The following ERI3 variants were observed in gnomAD, a reference collection of about 807,000 sequenced individuals.
The protein encoded by ERI3 is ERI1 exoribonuclease family member 3.
Under a neutral mutation model 44.4 loss-of-function variants are expected in ERI3, and 18 were observed. That is an observed-to-expected ratio of 0.41 (90% CI 0.28 to 0.60). The LOEUF (loss-of-function observed/expected upper bound fraction) is 0.60. ERI3 is among the 20% of genes least tolerant of loss of function. The pLI is 0.36. For synonymous variants in ERI3, 183 were observed against 164.8 expected, an observed-to-expected ratio of 1.11 and a Z score of -0.84; for missense variants, 294 against 435.5, an observed-to-expected ratio of 0.68 and a Z score of 2.89.
At chr1:44,273,730 C>T (rs1645129777) in intron 7 of ERI3, among the ~76,000 whole-genome samples, 1 of 152,138 alleles carries the variant, frequency 6.6e-6, no homozygotes, top group South Asian at 2.1e-4. Flanking sequence ...ACTATTTCTA[C>T]CAGAGATGGG....
rs1738049 is a variant in ERI3 at position 44,242,096 on chromosome 1, G to A, written c.931+5843C>T. ...AGTGCAGACCCTGTCAATGATGGGA[G>A]AGTTAACCCTTCTCATGACCATCCA... On this transcript the variant is annotated intron_variant, in intron 8 of 8. Coordinates refer to ENST00000372257, the MANE Select transcript of ERI3 (RefSeq NM_024066.3). The A allele has an allele frequency of 1.2e-3, 1,200 of 985,582 alleles. 11 individuals are homozygous for A. The African/African-American group carries it at 0.019, about 16-fold the overall frequency. The allele number at this position is 985,582 out of a possible 1,614,324, so 61.1% of individuals were successfully genotyped here. A position where few individuals can be genotyped will look rare whatever the true frequency, so the allele number is the denominator to read the frequency against.
intron 8 of ERI3, among the ~76,000 whole-genome samples, chr1:44,238,001 G>C (rs868730423): frequency 2.6e-5 from 4 of 152,076 alleles, no homozygotes; most frequent in Admixed American, 6.5e-5. Flanking sequence ...TGGGTGCCCT[G>C]CCTCACCCCT....
At chr1:44,240,551 G>A (rs1187676762) in intron 8 of ERI3, among the ~76,000 whole-genome samples, 4 of 152,184 alleles carry the variant, frequency 2.6e-5, no homozygotes, top group East Asian at 1.9e-4. Flanking sequence ...CTTCCTTGCT[G>A]AGCAGCAATC....
At position 44,241,929 on chromosome 1, in the gene ERI3, A is replaced by T; in HGVS notation, c.931+6010T>A. The T allele has an allele frequency of 1.0e-5, 10 of 985,454 alleles. No homozygotes were observed. The highest frequency in any genetic ancestry group is 1.1e-5 in the Non-Finnish European group (9 of 829,672). The allele number at this position is 985,454 out of a possible 1,614,324, so 61.0% of individuals were successfully genotyped here. On this transcript the variant is annotated intron_variant, in intron 8 of 8. Transcript: ENST00000372257. This position sits in a 1 kb window ranked among gnomAD's most constrained non-coding sequence, Gnocchi z 5.6. ...CATCAACTCACCCATCCATCTAGCCATTCTTCCATCTATGGTTGCTACTGA... is the reference window on the plus strand; with the variant it reads ...CATCAACTCACCCATCCATCTAGCCTTTCTTCCATCTATGGTTGCTACTGA...
At chr1:44,224,459 T>G (rs1481421664) in intron 8 of ERI3, among the ~76,000 whole-genome samples, 1 of 152,224 alleles carries the variant, frequency 6.6e-6, no homozygotes, top group Non-Finnish European at 1.5e-5. Context: ...CCAATCTTAA[T>G]TTCACCCACT....
At chr1:44,276,276 C>A (rs891565122) in intron 7 of ERI3, among the ~76,000 whole-genome samples, 1 of 152,222 alleles carries the variant, frequency 6.6e-6, no homozygotes, top group Non-Finnish European at 1.5e-5. Context: ...CATAACACCA[C>A]CCTATCAGGC....
intron 3 of ERI3, chr1:44,323,048 T>C (rs1226309320): frequency 3.6e-6 from 3 of 828,470 alleles, no homozygotes; most frequent in Non-Finnish European, 5.1e-6. Context: ...AATTTCATCA[T>C]TCCCCTAGGA....
At chr1:44,311,063 G>C (rs1468555824) in intron 5 of ERI3, among the ~76,000 whole-genome samples, 1 of 150,988 alleles carries the variant, frequency 6.6e-6, no homozygotes, top group Non-Finnish European at 1.5e-5. Flanking sequence ...TAAGAAAAGA[G>C]GTAAGGTGAA....
chr1:44,329,122 G>C (rs1447012146), intron 3 of ERI3, among the ~76,000 whole-genome samples: 4 of 152,144 alleles, frequency 2.6e-5, no homozygotes, highest in Non-Finnish European at 5.9e-5. Context: ...ACCTTCCTCT[G>C]TCCAGATGAA....
chr1:44,272,304 A>T (rs1028726041), intron 7 of ERI3, among the ~76,000 whole-genome samples: 3 of 152,150 alleles, frequency 2.0e-5, no homozygotes, highest in African/African-American at 4.8e-5. Flanking sequence ...ATTAATCATC[A>T]TTTACAGGTT....
intron 1 of ERI3, chr1:44,354,419 C>T (rs543495276): frequency 2.0e-6 from 2 of 985,382 alleles, no homozygotes; most frequent in East Asian, 2.3e-4. Context: ...AGCCTCAATC[C>T]AAGTTCATGC....
intron 3 of ERI3, among the ~76,000 whole-genome samples, chr1:44,331,868 G>A (rs1646436756): frequency 6.6e-6 from 1 of 152,072 alleles, no homozygotes; most frequent in Admixed American, 6.6e-5. Context: ...TGAAAACTAT[G>A]CAGCCCTCCC....
In ERI3 at chr1:44,226,579, C is replaced by T. The variant is rs78703194; in HGVS notation, c.932-4939G>A. Among the ~76,000 whole-genome samples the T allele has an allele frequency of 4.4e-3, 664 of 151,946 alleles. 5 individuals carry two copies. The highest frequency in any genetic ancestry group is 5.0e-3 in the Non-Finnish European group (339 of 67,952). ...GTAAGAGAATTTTTAGGAAATAGAA[C>T]GAGCAGTCCTTAATGGGGGGATTAG... On this transcript the variant is annotated intron_variant, in intron 8 of 8. Coordinates refer to ENST00000372257, the MANE Select transcript of ERI3 (RefSeq NM_024066.3).
In ERI3 at chr1:44,354,999, C is replaced by T; in HGVS notation, c.28G>A (p.Gly10Arg). 1 of 1,380,648 alleles carries T rather than the reference C, an allele frequency of 7.2e-7. No homozygotes were observed. Among genetic ancestry groups the T allele is most frequent in the Non-Finnish European group, 9.4e-7 (1 of 1,062,102 alleles). 85.5% of individuals were successfully genotyped at this position (1,380,648 alleles called of 1,614,324 possible). MATASPAAD[G>R]GRGRPWEGGL... ...CCTTCCCAGGGCCGCCCCCGCCCCC[C>T]GTCAGCAGCGGGAGAGGCTGTCGCC... Residue 10 changes from glycine to arginine, a missense_variant, in exon 1 of 9, where the codon GGG (glycine) becomes AGG (arginine). This residue lies in a region of ERI3 where 107 missense variants were observed against 96.9 expected (regional missense o/e 1.10). Transcript: ENST00000372257.
At position 44,281,878 on chromosome 1, in the gene ERI3, A is replaced by G. The variant is rs867738160; in HGVS notation, c.831+2957T>C. On this transcript the variant is annotated intron_variant, in intron 7 of 8. Coordinates refer to ENST00000372257, the MANE Select transcript of ERI3 (RefSeq NM_024066.3). ...CATGTGTATATTTATACATGTGCAT[A>G]TGTGTGTGTGTGTGTGTGTGTGTGT... Among the ~76,000 whole-genome samples the G allele has an allele frequency of 2.3e-3, 295 of 127,020 alleles. 2 individuals are homozygous for G. Among genetic ancestry groups the G allele is most frequent in the South Asian group, 5.6e-3 (20 of 3,540 alleles). The allele number at this position is 127,020 out of a possible 152,430, so 83.3% of individuals were successfully genotyped here. A position where few individuals can be genotyped will look rare whatever the true frequency, so the allele number is the denominator to read the frequency against.
chr1:44,222,854 G>T (rs1025299845), intron 8 of ERI3, among the ~76,000 whole-genome samples: 1 of 152,130 alleles, frequency 6.6e-6, no homozygotes, highest in Non-Finnish European at 1.5e-5. Context: ...AATCAAGTGT[G>T]GGGGGGTATT....
In ERI3 at chr1:44,259,912, T is replaced by TAGACAGAC. The variant is rs1420877757; in HGVS notation, c.832-11875_832-11874insGTCTGTCT. Among the ~76,000 whole-genome samples, 498 of 142,250 alleles carry TAGACAGAC rather than the reference T, an allele frequency of 3.5e-3. 3 individuals carry two copies. The highest frequency in any genetic ancestry group is 0.014 in the African/African-American group (482 of 35,186). The allele number at this position is 142,250 out of a possible 152,430, so 93.3% of individuals were successfully genotyped here. On this transcript the variant is annotated intron_variant, in intron 7 of 8. Transcript: ENST00000372257. ...ATAGATAGATAGATAGATAGATAGA[T>TAGACAGAC]AGATAGATAGACAGACAGACAGACA...
At chr1:44,282,229 G>A (rs556700087) in intron 7 of ERI3, among the ~76,000 whole-genome samples, 12 of 152,216 alleles carry the variant, frequency 7.9e-5, no homozygotes, top group African/African-American at 2.2e-4. Flanking sequence ...TTAGGAAATA[G>A]GCATGGTGAA....
chr1:44,238,083 G>C (rs1310658870), intron 8 of ERI3, among the ~76,000 whole-genome samples: 1 of 152,126 alleles, frequency 6.6e-6, no homozygotes. Context: ...CAGCACGGAG[G>C]CAGCCTCGAT....
Sources: allele counts gnomAD v4.1 joint callset (sites outside exome capture counted in the v4.1 genomes callset), GRCh38; gene constraint gnomAD v4.1.1; regional missense constraint gnomAD v4.1.1; non-coding constraint Gnocchi (gnomAD v3.1); transcripts MANE v1.5; gene names NCBI Gene and HGNC (gene_info 2026-07-23, HGNC 2026-07-21).